The following CEP128 variants were observed in gnomAD, a reference collection of about 807,000 sequenced individuals.
CEP128 encodes the protein centrosomal protein 128kDa.
A neutral mutation model predicts 156.7 loss-of-function variants in CEP128; 132 were observed. That is an observed-to-expected ratio of 0.84 (90% CI 0.73 to 0.97). CEP128 has a LOEUF of 0.97. CEP128 is among the 50% of genes least tolerant of loss of function. The probability of loss-of-function intolerance (pLI) is 0.00; values close to 1 mark genes in which losing one functional copy is unlikely to be tolerated. For synonymous variants in CEP128, 469 were observed against 448.9 expected, an observed-to-expected ratio of 1.04 and a Z score of -0.57; for missense variants, 1,252 against 1,281.9, an observed-to-expected ratio of 0.98 and a Z score of 0.36.
At chr14:80,505,957 G>C (rs895505277) in intron 23 of CEP128, among the ~76,000 whole-genome samples, 4 of 152,064 alleles carry the variant, frequency 2.6e-5, no homozygotes, top group Admixed American at 2.6e-4. Flanking sequence ...AGAAGAGAAA[G>C]GCATTAAACA....
At chr14:80,535,277 T>C (rs919822078) in intron 21 of CEP128, among the ~76,000 whole-genome samples, 2 of 152,202 alleles carry the variant, frequency 1.3e-5, no homozygotes, top group African/African-American at 2.4e-5. Flanking sequence ...AGTCAGATGG[T>C]GGCAAAGCTG....
chr14:80,875,579 G>T (rs1199056266), intron 8 of CEP128, among the ~76,000 whole-genome samples: 2 of 152,082 alleles, frequency 1.3e-5, no homozygotes, highest in Non-Finnish European at 2.9e-5. Context: ...GATGATTTTG[G>T]AAAACAATTA....
chr14:80,948,641 A>G (rs868600033), intron 2 of CEP128, among the ~76,000 whole-genome samples: 2 of 152,214 alleles, frequency 1.3e-5, no homozygotes, highest in Non-Finnish European at 2.9e-5. Flanking sequence ...CCATGCTAAT[A>G]ATTCCTCTAC....
At chr14:80,636,056 G>A (rs1038730137) in intron 19 of CEP128, among the ~76,000 whole-genome samples, 29 of 152,220 alleles carry the variant, frequency 1.9e-4, no homozygotes, top group Admixed American at 5.2e-4. Context: ...AACGCTTCTG[G>A]TCCCAAGCAT....
In CEP128 at chr14:80,496,741, A is replaced by C. The variant is rs1230501275; in HGVS notation, c.*738T>G. 6.6e-6 allele frequency: 1 copy of C among 152,160 alleles called. No homozygotes were observed. Among genetic ancestry groups the C allele is most frequent in the Non-Finnish European group, 1.5e-5 (1 of 68,018 alleles). 9.4% of individuals were successfully genotyped at this position (152,160 alleles called of 1,614,324 possible). A position where few individuals can be genotyped will look rare whatever the true frequency, so the allele number is the denominator to read the frequency against. ...TTGGTGCTATGATTTTAGTCACAGT[A>C]AACCAAAGACGGTCCAGGATATGAC... On this transcript the variant is annotated 3_prime_UTR_variant, in exon 25 of 25. Transcript: ENST00000555265.
At chr14:80,864,642 T>C (rs928422656) in intron 8 of CEP128, among the ~76,000 whole-genome samples, 9 of 151,930 alleles carry the variant, frequency 5.9e-5, no homozygotes, top group African/African-American at 1.9e-4. Context: ...CTGCAACCTC[T>C]GCCTACTGAG....
chr14:80,534,419 C>T (rs1324357360), intron 21 of CEP128, among the ~76,000 whole-genome samples: 1 of 152,146 alleles, frequency 6.6e-6, no homozygotes, highest in Non-Finnish European at 1.5e-5. Context: ...TGTTAATTCC[C>T]AGGGCAAAAT....
At chr14:80,656,275 TTATTTATATATATATTTATATATATA>T (rs1174737536) in intron 19 of CEP128, among the ~76,000 whole-genome samples, 734 of 44,520 alleles carry the variant, frequency 0.016, 61 homozygotes, top group African/African-American at 0.027. Flanking sequence ...ACCTAAGTTT[TTATTTATATATATATTTATATATATA>T]TATATATATA....
chr14:80,732,241 A>C (rs1314800038), intron 19 of CEP128, among the ~76,000 whole-genome samples: 1 of 152,212 alleles, frequency 6.6e-6, no homozygotes, highest in Non-Finnish European at 1.5e-5. Context: ...ATCCTACCTG[A>C]AAGTTTTAAC....
chr14:80,793,090 C>A lies in CEP128; in HGVS notation c.1230G>T (p.Glu410Asp), dbSNP rs547719771. 1.6e-4 allele frequency: 262 copies of A among 1,611,634 alleles called. 2 individuals carry two copies. The South Asian group carries it at 2.8e-3, about 17-fold the overall frequency. ...TCTGCAGTTGCTGTTTTTCCCCATT[C>A]TCCAGTTCACGTGTTAAATTCTACG... ...SQVENLTREL[E>D]NGEKQQLQML... The change falls in exon 14 of 25, where the codon GAG (glutamate) becomes GAT (aspartate). Residue 410 changes from glutamate (E) to aspartate (D), a missense_variant. Transcript: ENST00000555265.
At chr14:80,531,279 A>G (rs1049292079) in intron 21 of CEP128, among the ~76,000 whole-genome samples, 1 of 152,216 alleles carries the variant, frequency 6.6e-6, no homozygotes, top group Non-Finnish European at 1.5e-5. Context: ...TTACTTATCT[A>G]TGGAGTATAT....
chr14:80,514,562 T>C (rs1486734770), intron 23 of CEP128: 2 of 224,900 alleles, frequency 8.9e-6, no homozygotes, highest in Non-Finnish European at 1.9e-5. Flanking sequence ...AAATTTCTGC[T>C]TGATTTTTTA....
Position 80,649,924 on chromosome 14 carries a change from T to C in CEP128, c.2807-69501A>G, listed in dbSNP as rs187901475. 2.6e-4 allele frequency among the ~76,000 whole-genome samples: 40 copies of C among 152,276 alleles called. No homozygotes were observed. In the East Asian group the frequency reaches 7.1e-3, roughly 27 times the overall value. ...GCTCCTTTATGATTCCATATGAAAT[T>C]TGAAGTAGTTTTTTCTAATTCTGTG... On this transcript the variant is annotated intron_variant, in intron 19 of 24. Coordinates refer to ENST00000555265, the MANE Select transcript of CEP128 (RefSeq NM_152446.5).
intron 21 of CEP128, among the ~76,000 whole-genome samples, chr14:80,547,426 T>C (rs555906147): frequency 6.6e-6 from 1 of 152,332 alleles, no homozygotes; most frequent in East Asian, 1.9e-4. Context: ...GGATGTGGAA[T>C]AGAAAGAATG....
chr14:80,740,668 G>C (rs78304225), intron 19 of CEP128, among the ~76,000 whole-genome samples: 5,755 of 152,256 alleles, frequency 0.038, 141 homozygotes, highest in Middle Eastern at 0.071. Context: ...ATTTTCTGAA[G>C]AGCTGGAAGA....
At chr14:80,665,270 C>T (rs146110598) in intron 19 of CEP128, among the ~76,000 whole-genome samples, 72 of 152,090 alleles carry the variant, frequency 4.7e-4, no homozygotes, top group African/African-American at 1.7e-3. Flanking sequence ...CCCGATAGCA[C>T]CAATAGTCAA....
intron 19 of CEP128, among the ~76,000 whole-genome samples, chr14:80,594,403 T>C (rs568191681): frequency 1.3e-5 from 2 of 152,262 alleles, no homozygotes; most frequent in South Asian, 4.1e-4. Flanking sequence ...ATTCAGGACA[T>C]AGGCATGGGC....
intron 19 of CEP128, among the ~76,000 whole-genome samples, chr14:80,737,164 G>T (rs1046588704): frequency 3.3e-5 from 5 of 152,026 alleles, no homozygotes; most frequent in Non-Finnish European, 7.4e-5. Context: ...CCAGCACTTT[G>T]GGAGGCCGAG....
At chr14:80,567,717 G>A (rs566959345) in intron 20 of CEP128, among the ~76,000 whole-genome samples, 15 of 152,242 alleles carry the variant, frequency 9.9e-5, no homozygotes, top group South Asian at 2.1e-4. Context: ...GAAACTGCTC[G>A]TAACAGGTAA....
Sources: gnomAD v4.1 joint callset for allele counts (sites outside exome capture counted in the v4.1 genomes callset) on GRCh38, gnomAD v4.1.1 for gene constraint, MANE v1.5 for transcripts, NCBI Gene and HGNC (gene_info 2026-07-23, HGNC 2026-07-21) for gene names.